Variants in TBC1D4 observed in about 807,000 individuals in gnomAD.
The protein encoded by TBC1D4 is TBC (Tre-2, BUB2, CDC16) domain-containing protein.
Under a neutral mutation model 142.5 loss-of-function variants are expected in TBC1D4, and 121 were observed. That is an observed-to-expected ratio of 0.85 (90% CI 0.73 to 0.99). TBC1D4 has a LOEUF of 0.99. Ranked by LOEUF, TBC1D4 falls within the 50% of genes least tolerant of loss-of-function variation. The probability of loss-of-function intolerance (pLI) is 0.00; values close to 1 mark genes in which losing one functional copy is unlikely to be tolerated. For synonymous variants in TBC1D4, 630 were observed against 628.2 expected (o/e 1.00, Z -0.04); for missense variants, 1,475 against 1,606.6 (o/e 0.92, Z 1.40).
chr13:75,371,576 C>A (rs901553071), intron 1 of TBC1D4, among the ~76,000 whole-genome samples: 1 of 152,238 alleles, frequency 6.6e-6, no homozygotes, highest in South Asian at 2.1e-4. Flanking sequence ...TATTAAGCAT[C>A]AACATAAAAT....
intron 1 of TBC1D4, among the ~76,000 whole-genome samples, chr13:75,415,438 C>T (rs572701000): frequency 1.6e-3 from 248 of 152,320 alleles, no homozygotes; most frequent in South Asian, 0.01. Flanking sequence ...GCCATCTTCA[C>T]ATAGGCATTA....
chr13:75,380,296 A>AC (rs1883755850), intron 1 of TBC1D4, among the ~76,000 whole-genome samples: 1 of 150,864 alleles, frequency 6.6e-6, no homozygotes, highest in Admixed American at 6.6e-5. Context: ...ATATGGTGAA[A>AC]CCCCATCTCT....
chr13:75,289,992 C>A (rs1412923409), intron 19 of TBC1D4, among the ~76,000 whole-genome samples: 1 of 152,148 alleles, frequency 6.6e-6, no homozygotes, highest in Non-Finnish European at 1.5e-5. Flanking sequence ...AACTGGTTAT[C>A]CTCAAATAAC....
chr13:75,371,728 A>G (rs1305267694), intron 1 of TBC1D4, among the ~76,000 whole-genome samples: 1 of 152,194 alleles, frequency 6.6e-6, no homozygotes, highest in Non-Finnish European at 1.5e-5. Flanking sequence ...TCAGCCACTA[A>G]TTAGAAGAGC....
intron 1 of TBC1D4, among the ~76,000 whole-genome samples, chr13:75,404,847 C>G (rs1566465218): frequency 1.3e-5 from 2 of 152,158 alleles, no homozygotes; most frequent in African/African-American, 4.8e-5. Context: ...CTATGTCCAT[C>G]TGCTGCTGTC....
At chr13:75,460,067 T>C (rs1371285474) in intron 1 of TBC1D4, among the ~76,000 whole-genome samples, 1 of 151,950 alleles carries the variant, frequency 6.6e-6, no homozygotes, top group East Asian at 1.9e-4. Context: ...GGCATGAACC[T>C]GGGAGGCGGA....
At chr13:75,304,163 A>C (rs534624981) in intron 15 of TBC1D4, among the ~76,000 whole-genome samples, 3 of 152,346 alleles carry the variant, frequency 2.0e-5, no homozygotes, top group African/African-American at 7.2e-5. Flanking sequence ...TTGTTGAATG[A>C]ATCAATGACA....
chr13:75,394,205 T>G (rs577422327), intron 1 of TBC1D4, among the ~76,000 whole-genome samples: 2 of 152,224 alleles, frequency 1.3e-5, no homozygotes, highest in Non-Finnish European at 2.9e-5. Context: ...AGAAAAGTCA[T>G]GACACTAGTA....
intron 5 of TBC1D4, among the ~76,000 whole-genome samples, chr13:75,344,958 A>G (rs975155810): frequency 6.6e-6 from 1 of 152,210 alleles, no homozygotes; most frequent in Non-Finnish European, 1.5e-5. Context: ...CTTTGTACCT[A>G]AGCATAAAAC....
In TBC1D4 at chr13:75,481,822, A is replaced by G; in HGVS notation, c.-55T>C. On this transcript the variant is annotated 5_prime_UTR_variant, in exon 1 of 21. Transcript: ENST00000377636. ...GCCGGCCGGGCGCACCGCGCCCCCC[A>G]CTCCCGCGCAGAAGGCGCCGCCGAA... 7.0e-7 allele frequency: 1 copy of G among 1,426,832 alleles called. No homozygotes were observed. Among genetic ancestry groups the G allele is most frequent in the Non-Finnish European group, 9.1e-7 (1 of 1,099,510 alleles). 88.4% of individuals were successfully genotyped at this position (1,426,832 alleles called of 1,614,324 possible). A position where few individuals can be genotyped will look rare whatever the true frequency, so the allele number is the denominator to read the frequency against.
chr13:75,317,519 T>C (rs919629930), intron 12 of TBC1D4, among the ~76,000 whole-genome samples: 3 of 152,214 alleles, frequency 2.0e-5, no homozygotes, highest in African/African-American at 4.8e-5. Flanking sequence ...TAGTTGAATA[T>C]ACATACACTG....
intron 1 of TBC1D4, among the ~76,000 whole-genome samples, chr13:75,443,188 A>G (rs1301097503): frequency 6.6e-6 from 1 of 152,232 alleles, no homozygotes; most frequent in Non-Finnish European, 1.5e-5. Flanking sequence ...AAATAACTGC[A>G]CAACTACTTT....
intron 1 of TBC1D4, among the ~76,000 whole-genome samples, chr13:75,395,301 C>A (rs190750078): frequency 6.6e-6 from 1 of 152,264 alleles, no homozygotes; most frequent in African/African-American, 2.4e-5. Context: ...TCTGGTATAT[C>A]TAAACAGGAA....
At chr13:75,328,739 G>A (rs900252461) in intron 8 of TBC1D4, among the ~76,000 whole-genome samples, 1 of 152,148 alleles carries the variant, frequency 6.6e-6, no homozygotes, top group African/African-American at 2.4e-5. Context: ...TTTTAACAAT[G>A]CATAACATTT....
intron 13 of TBC1D4, 45 bp from the exon 14 acceptor site, chr13:75,310,196 A>G (rs1432299458): frequency 6.4e-7 from 1 of 1,566,122 alleles, no homozygotes; most frequent in Non-Finnish European, 8.7e-7. Context: ...GCAGTAACCC[A>G]GACTACCCAA....
chr13:75,477,829 T>C (rs1011930109), intron 1 of TBC1D4, among the ~76,000 whole-genome samples: 1 of 152,230 alleles, frequency 6.6e-6, no homozygotes, highest in African/African-American at 2.4e-5. Context: ...TTTTCCCAGT[T>C]CAAATATTCA....
chr13:75,393,157 T>A (rs74096259), intron 1 of TBC1D4, among the ~76,000 whole-genome samples: 33 of 92,868 alleles, frequency 3.6e-4, no homozygotes, highest in East Asian at 1.7e-3. Context: ...ACACACACAC[T>A]CAGTCTTTGT....
At chr13:75,318,020 TC>T (rs2137969196) in intron 12 of TBC1D4, among the ~76,000 whole-genome samples, 1 of 152,328 alleles carries the variant, frequency 6.6e-6, no homozygotes, top group South Asian at 2.1e-4. Flanking sequence ...GCAGTTATAG[TC>T]TTCACCAGAT....
At chr13:75,383,815 T>TA (rs1280368409) in intron 1 of TBC1D4, among the ~76,000 whole-genome samples, 1 of 152,204 alleles carries the variant, frequency 6.6e-6, no homozygotes, top group East Asian at 1.9e-4. Flanking sequence ...CTACTGTATA[T>TA]AACTGGTCTT....
Sources: gnomAD v4.1 joint callset for allele counts (sites outside exome capture counted in the v4.1 genomes callset) on GRCh38, gnomAD v4.1.1 for gene constraint, MANE v1.5 for transcripts, NCBI Gene and HGNC (gene_info 2026-07-23, HGNC 2026-07-21) for gene names.